The following TBC1D5 variants were observed in gnomAD, a reference collection of about 807,000 sequenced individuals.
TBC1D5 encodes TBC1 domain family, member 5.
In TBC1D5, 75 loss-of-function variants were observed where a neutral mutation model predicts 100.3. The ratio of observed to expected loss-of-function variants is 0.75; its 90% CI spans 0.62 to 0.91. The LOEUF (loss-of-function observed/expected upper bound fraction) is 0.91, where lower values mean the gene tolerates loss of function less well. Among genes scored for constraint, TBC1D5 ranks in the 40% least tolerant of loss-of-function variants. The pLI, the probability that TBC1D5 is intolerant of heterozygous loss-of-function variation, is 0.00. For synonymous variants in TBC1D5, 323 were observed against 325.6 expected (o/e 0.99, Z 0.09); for missense variants, 910 against 942.4 (o/e 0.97, Z 0.45).
intron 13 of TBC1D5, among the ~76,000 whole-genome samples, chr3:17,354,715 G>GT (rs897837995): frequency 1.3e-5 from 2 of 149,514 alleles, no homozygotes; most frequent in African/African-American, 2.5e-5. Context: ...GAAAAAAGGA[G>GT]TAAAAAAAAA....
intron 3 of TBC1D5, among the ~76,000 whole-genome samples, chr3:17,476,257 G>A (rs1361916861): frequency 1.3e-5 from 2 of 151,574 alleles, no homozygotes; most frequent in Admixed American, 1.3e-4. Flanking sequence ...TCTTCTAAAA[G>A]TTTTATAGTT....
chr3:17,448,760 A>T (rs2094856341), intron 3 of TBC1D5, among the ~76,000 whole-genome samples: 1 of 152,002 alleles, frequency 6.6e-6, no homozygotes, highest in Non-Finnish European at 1.5e-5. Context: ...TGTTCTATTT[A>T]CAGAGCACAG....
At chr3:17,177,735 A>T (rs1256958403) in intron 19 of TBC1D5, among the ~76,000 whole-genome samples, 3 of 149,238 alleles carry the variant, frequency 2.0e-5, no homozygotes, top group Admixed American at 6.7e-5. Context: ...GGCATCTTAA[A>T]TTTTTTTTTT....
intron 1 of TBC1D5, among the ~76,000 whole-genome samples, chr3:17,727,026 T>C (rs2076182220): frequency 6.6e-6 from 1 of 152,164 alleles, no homozygotes; most frequent in Non-Finnish European, 1.5e-5. Context: ...CAAATAGAAA[T>C]ATGTATAACG....
intron 2 of TBC1D5, among the ~76,000 whole-genome samples, chr3:17,562,398 T>C (rs1364359712): frequency 6.6e-6 from 1 of 151,798 alleles, no homozygotes; most frequent in African/African-American, 2.4e-5. Context: ...ATTAGAAGTA[T>C]AAATTTTAAA....
rs2096407572 is a variant in TBC1D5, at chr3:17,545,642, T to C, written c.-35-37037A>G. ...TATATAAGAAAACATGAATATTCATTAGCCACTAATAAGATTTTGGTGTTT... is the reference window on the plus strand; with the variant it reads ...TATATAAGAAAACATGAATATTCATCAGCCACTAATAAGATTTTGGTGTTT... On this transcript the variant is annotated intron_variant, in intron 2 of 21. Coordinates refer to ENST00000253692, the Ensembl canonical transcript of TBC1D5. Among the ~76,000 whole-genome samples the C allele has an allele frequency of 2.6e-5, 4 of 152,318 alleles. No homozygotes were observed. In the South Asian group the frequency reaches 8.3e-4, roughly 32 times the overall value.
chr3:17,562,998 A>G (rs75735603), intron 2 of TBC1D5, among the ~76,000 whole-genome samples: 3,795 of 152,300 alleles, frequency 0.025, 149 homozygotes, highest in African/African-American at 0.086. Context: ...GTGTAAAGAG[A>G]GACATACAGA....
chr3:17,322,290 C>T (rs1384867262), intron 13 of TBC1D5, among the ~76,000 whole-genome samples: 1 of 152,120 alleles, frequency 6.6e-6, no homozygotes, highest in Non-Finnish European at 1.5e-5. Flanking sequence ...TTCAATGTTT[C>T]TGTTTCTGTT....
chr3:17,628,591 T>C (rs1464609045), intron 1 of TBC1D5, among the ~76,000 whole-genome samples: 1 of 152,186 alleles, frequency 6.6e-6, no homozygotes, highest in Admixed American at 6.5e-5. Context: ...AGAGTGTAAC[T>C]ATCTGAAGAA....
chr3:17,724,276 G>T (rs1427474466), intron 1 of TBC1D5, among the ~76,000 whole-genome samples: 1 of 151,954 alleles, frequency 6.6e-6, no homozygotes. Context: ...TAAAGTATTT[G>T]TAGAGATGGG....
At chr3:17,422,802 A>G (rs2094244460) in intron 4 of TBC1D5, among the ~76,000 whole-genome samples, 1 of 152,324 alleles carries the variant, frequency 6.6e-6, no homozygotes, top group African/African-American at 2.4e-5. Context: ...TAAAACTTGA[A>G]GGCTAATTTT....
At chr3:17,168,773 TTTCTTA>T (rs1411093147) in intron 19 of TBC1D5, among the ~76,000 whole-genome samples, 1 of 152,160 alleles carries the variant, frequency 6.6e-6, no homozygotes, top group Non-Finnish European at 1.5e-5. Flanking sequence ...TAACATCTGC[TTTCTTA>T]TTCTTGGTGG....
At chr3:17,741,488 T>C (rs564326493), upstream of TBC1D5, among the ~76,000 whole-genome samples, 5 of 152,240 alleles carry the variant, frequency 3.3e-5, no homozygotes, top group African/African-American at 4.8e-5. Context: ...ACAACACTTA[T>C]AAAGGTTTAC....
At chr3:17,204,840 G>T (rs2071946231) in intron 18 of TBC1D5, among the ~76,000 whole-genome samples, 1 of 152,086 alleles carries the variant, frequency 6.6e-6, no homozygotes, top group Non-Finnish European at 1.5e-5. Flanking sequence ...TGAAAATAGA[G>T]GGCTTTTAAT....
intron 15 of TBC1D5, among the ~76,000 whole-genome samples, chr3:17,285,599 C>T (rs1380693570): frequency 6.6e-6 from 1 of 152,136 alleles, no homozygotes; most frequent in African/African-American, 2.4e-5. Context: ...AAAAAGATTA[C>T]AATGGCATTA....
chr3:17,682,475 T>C lies in TBC1D5; in HGVS notation c.-101+56868A>G, dbSNP rs189343877. ...TAAAGTCAATTACAAAATGCCTATGTTGGCTAACATAAATACTTGTCACAA... is the reference window on the plus strand; with the variant it reads ...TAAAGTCAATTACAAAATGCCTATGCTGGCTAACATAAATACTTGTCACAA... On this transcript the variant is annotated intron_variant, in intron 1 of 21. Coordinates refer to ENST00000253692, the Ensembl canonical transcript of TBC1D5. Among the ~76,000 whole-genome samples, 115 of 151,606 alleles carry C rather than the reference T, an allele frequency of 7.6e-4. 3 individuals carry two copies. Among genetic ancestry groups the C allele is most frequent in the Middle Eastern group, 3.4e-3 (1 of 294 alleles).
chr3:17,404,701 T>C, exon 7 of TBC1D5: 1 of 1,604,886 alleles, frequency 6.2e-7, no homozygotes, highest in South Asian at 1.1e-5. Context: ...TACCCCTTCA[T>C]CCTGTGAAAG....
chr3:17,735,852 G>A (rs779293675), intron 1 of TBC1D5, among the ~76,000 whole-genome samples: 6 of 152,180 alleles, frequency 3.9e-5, no homozygotes, highest in Non-Finnish European at 8.8e-5. Context: ...AGCTCAGCTC[G>A]AGAAGTAACA....
intron 1 of TBC1D5, among the ~76,000 whole-genome samples, chr3:17,695,663 C>A (rs1223060842): frequency 6.6e-6 from 1 of 152,020 alleles, no homozygotes; most frequent in Non-Finnish European, 1.5e-5. Flanking sequence ...ACTTTAACAC[C>A]CCACTGTCAA....
Sources: allele counts gnomAD v4.1 joint callset (sites outside exome capture counted in the v4.1 genomes callset), GRCh38; gene constraint gnomAD v4.1.1; transcripts MANE v1.5; gene names NCBI Gene and HGNC (gene_info 2026-07-23, HGNC 2026-07-21).